Variants in LRP5 observed in about 807,000 individuals in gnomAD.
LRP5 encodes the protein LDL receptor related protein 5.
In LRP5, 62 loss-of-function variants were observed where a neutral mutation model predicts 154.1. That is an observed-to-expected ratio of 0.40 (90% confidence interval 0.33 to 0.50). The LOEUF is 0.50. LRP5 is among the 20% of genes least tolerant of loss of function. LRP5 has a pLI of 0.55. For missense variants in LRP5, 1,915 were observed against 2,336.7 expected, an observed-to-expected ratio of 0.82 and a Z score of 3.72; for synonymous variants, 966 against 1,011.5, an observed-to-expected ratio of 0.96 and a Z score of 0.85.
chr11:68,418,240 A>G (rs2098663662), intron 13 of LRP5, among the ~76,000 whole-genome samples: 3 of 151,996 alleles, frequency 2.0e-5, no homozygotes. Context: ...CCCCATCTCT[A>G]CTAAATATAC....
chr11:68,377,995 C>T (rs2098638308), intron 5 of LRP5, among the ~76,000 whole-genome samples: 1 of 152,164 alleles, frequency 6.6e-6, no homozygotes, highest in Admixed American at 6.5e-5. Flanking sequence ...GCCACTGGAC[C>T]TTTCCTGGGT....
At chr11:68,363,391 GCACGCCTGTAATCC>G (rs2098629094) in intron 3 of LRP5, among the ~76,000 whole-genome samples, 2 of 152,134 alleles carry the variant, frequency 1.3e-5, no homozygotes, top group African/African-American at 4.8e-5. Flanking sequence ...GCATGGTGGC[GCACGCCTGTAATCC>G]CAGCGCTTTG....
chr11:68,443,566 TATATATA>T (rs2098679564), intron 21 of LRP5, among the ~76,000 whole-genome samples: 2 of 41,036 alleles, frequency 4.9e-5, no homozygotes, highest in African/African-American at 1.2e-4. Flanking sequence ...TATATATATA[TATATATA>T]TATATATATA....
At chr11:68,434,530 C>T (rs2098673847) in intron 18 of LRP5, among the ~76,000 whole-genome samples, 1 of 152,150 alleles carries the variant, frequency 6.6e-6, no homozygotes, top group Admixed American at 6.5e-5. Context: ...CAGGTGCGCA[C>T]CACCATGCCT....
rs762445774 is a variant in LRP5 at position 68,423,503 on chromosome 11, C to T, written c.3042C>T (p.Thr1014=). ...TTGTCTTACAGCCCTTTGTTTTGAC[C>T]TCTCTGAGCCAAGGCCAAAACCCAG... The part of the protein sequence containing the change: ...KDDGTQPFVL[T]SLSQGQNPDR... Residue 1014 remains threonine (T), a synonymous_variant, in exon 14 of 23, where the codon ACC becomes ACT. Coordinates refer to ENST00000294304, the MANE Select transcript of LRP5 (RefSeq NM_002335.4). The surrounding 1 kb of genome is among the most constrained non-coding windows in gnomAD (Gnocchi z 4.7). 9.3e-6 allele frequency: 15 copies of T among 1,614,024 alleles called. No individual in the cohort carries two copies. In the East Asian group the frequency reaches 2.9e-4, roughly 31 times the overall value.
chr11:68,318,060 T>C (rs1265443711), intron 1 of LRP5, among the ~76,000 whole-genome samples: 1 of 145,700 alleles, frequency 6.9e-6, no homozygotes, highest in African/African-American at 2.5e-5. Context: ...TGAGATTTAA[T>C]TTTTTTTTTT....
intron 9 of LRP5, among the ~76,000 whole-genome samples, chr11:68,407,704 G>A (rs1038270633): frequency 8.6e-5 from 13 of 151,918 alleles, no homozygotes; most frequent in African/African-American, 2.7e-4. Context: ...AAAATTAACC[G>A]GGCATGGCGG....
chr11:68,420,921 A>G (rs1341241826), intron 13 of LRP5, among the ~76,000 whole-genome samples: 1 of 151,896 alleles, frequency 6.6e-6, no homozygotes, highest in African/African-American at 2.4e-5. Flanking sequence ...AAGTATTTGT[A>G]CTACATTAAA....
rs548851871 is a variant in LRP5 at position 68,337,248 on chromosome 11, C to T, written c.92-10599C>T. ...GTGGACAGTTAGACCAAGAGGAGCC[C>T]GGAAGCAGACCCAGGCTTTGGCATC... is the stretch of plus-strand genomic sequence containing the variant. On this transcript the variant is annotated intron_variant, in intron 1 of 22. Transcript: ENST00000294304. 1.3e-3 allele frequency among the ~76,000 whole-genome samples: 196 copies of T among 152,256 alleles called. 1 individual carries two copies. Among genetic ancestry groups the T allele is most frequent in the African/African-American group, 3.3e-3 (138 of 41,544 alleles).
At chr11:68,410,197 G>C (rs1439796002) in intron 10 of LRP5, 57 bp downstream of exon 10, 1 of 1,447,394 alleles carries the variant, frequency 6.9e-7, no homozygotes, top group Non-Finnish European at 9.6e-7. Context: ...GACAGTGCGG[G>C]GGTGCCAACT....
rs2098660796 is a variant in LRP5 at position 68,413,617 on chromosome 11, C to T, written c.2504-72C>T. The T allele has an allele frequency of 3.6e-6, 5 of 1,407,620 alleles. No individual in the cohort carries two copies. The highest frequency in any genetic ancestry group is 5.0e-6 in the Non-Finnish European group (5 of 995,862). 87.2% of individuals were successfully genotyped at this position (1,407,620 alleles called of 1,614,324 possible). A position where few individuals can be genotyped will look rare whatever the true frequency, so the allele number is the denominator to read the frequency against. ...GCTGCAGGGTTGAACCCTGGCTCAC[C>T]CCGCAGGGCGCCGTGTGCTCTGTGG... On this transcript the variant is annotated intron_variant, in intron 11 of 22. Transcript: ENST00000294304. This position sits in a 1 kb window ranked among gnomAD's most constrained non-coding sequence, Gnocchi z 5.1.
rs755388709 is a variant in LRP5, at chr11:68,347,850, C to T, written c.95C>T (p.Ser32Leu). ...LCGCPAPAAA[S>L]PLLLFANRRD... is the part of the protein sequence containing the mutation. ...ACGGTTTGCTTCTGCCCCACAGCCT[C>T]GCCGCTCCTGCTATTTGCCAACCGC... Residue 32 changes from serine (S) to leucine (L), a missense_variant, in exon 2 of 23, where the codon TCG becomes TTG. This residue lies in a region of LRP5 where 773 missense variants were observed against 1,100.9 expected (regional missense o/e 0.70). Coordinates refer to ENST00000294304, the MANE Select transcript of LRP5 (RefSeq NM_002335.4). 6.2e-6 allele frequency: 10 copies of T among 1,613,108 alleles called. No homozygotes were observed. The highest frequency in any genetic ancestry group is 4.4e-5 in the South Asian group (4 of 91,086).
At chr11:68,362,078 A>C (rs1344837139) in intron 3 of LRP5, among the ~76,000 whole-genome samples, 1 of 152,206 alleles carries the variant, frequency 6.6e-6, no homozygotes, top group African/African-American at 2.4e-5. Flanking sequence ...TGCACACTGG[A>C]ATATGGTTCA....
At chr11:68,416,676 A>G (rs2098662743) in intron 13 of LRP5, 149 bp downstream of exon 13, 5 of 744,234 alleles carry the variant, frequency 6.7e-6, no homozygotes, top group Non-Finnish European at 1.1e-5. Flanking sequence ...ATGTAGTCAC[A>G]GGGTATGACC....
intron 8 of LRP5, among the ~76,000 whole-genome samples, chr11:68,404,595 G>T (rs2098654467): frequency 6.6e-6 from 1 of 152,134 alleles, no homozygotes; most frequent in Non-Finnish European, 1.5e-5. Context: ...CTTCCTTCAT[G>T]GCCTTCATCG....
intron 1 of LRP5, among the ~76,000 whole-genome samples, chr11:68,319,142 T>C (rs2098595277): frequency 6.7e-6 from 1 of 148,548 alleles, no homozygotes; most frequent in African/African-American, 2.5e-5. Flanking sequence ...GGTGGCACGA[T>C]CTCGGCTCAC....
intron 1 of LRP5, among the ~76,000 whole-genome samples, chr11:68,321,982 C>T (rs531581001): frequency 3.3e-5 from 5 of 152,354 alleles, no homozygotes; most frequent in African/African-American, 9.6e-5. Context: ...AGACTGTCTC[C>T]TCTAGGGGAC....
upstream of LRP5, among the ~76,000 whole-genome samples, chr11:68,310,268 T>G (rs1463061774): frequency 2.6e-5 from 4 of 151,636 alleles, no homozygotes; most frequent in Non-Finnish European, 4.4e-5. Flanking sequence ...CGAGGCTAAG[T>G]GGGGTGAAAG....
intron 5 of LRP5, among the ~76,000 whole-genome samples, chr11:68,373,505 T>C (rs1198658266): frequency 2.0e-5 from 3 of 152,110 alleles, no homozygotes; most frequent in Non-Finnish European, 4.4e-5. Context: ...CCTCCTGAAG[T>C]GACCCCCATG....
Sources: allele counts gnomAD v4.1 joint callset (sites outside exome capture counted in the v4.1 genomes callset), GRCh38; gene constraint gnomAD v4.1.1; regional missense constraint gnomAD v4.1.1; non-coding constraint Gnocchi (gnomAD v3.1); transcripts MANE v1.5; gene names NCBI Gene and HGNC (gene_info 2026-07-23, HGNC 2026-07-21).